Variants in ATXN7L1 observed in about 807,000 individuals in gnomAD.
The protein encoded by ATXN7L1 is ataxin 7 like 1.
ATXN7L1 carries 15 observed loss-of-function variants against 70.8 expected under a neutral mutation model. The ratio of observed to expected loss-of-function variants is 0.21; its 90% CI spans 0.14 to 0.33. ATXN7L1 has a LOEUF of 0.33. Among genes scored for constraint, ATXN7L1 ranks in the 10% least tolerant of loss-of-function variants. ATXN7L1 has a pLI of 1.00. For synonymous variants in ATXN7L1, 440 were observed against 445.1 expected, an observed-to-expected ratio of 0.99 and a Z score of 0.14; for missense variants, 975 against 1,097.1, an observed-to-expected ratio of 0.89 and a Z score of 1.57.
chr7:105,755,326 G>A (rs993735744), intron 3 of ATXN7L1, among the ~76,000 whole-genome samples: 4 of 152,200 alleles, frequency 2.6e-5, no homozygotes, highest in Admixed American at 2.0e-4. Context: ...GGGGCAACAG[G>A]TATAGAGGAA....
At position 105,624,130 on chromosome 7, in the gene ATXN7L1, T is replaced by C; in HGVS notation, c.1340A>G (p.Asp447Gly). The change falls in exon 8 of 12, where the codon GAC (aspartate) becomes GGC (glycine). Residue 447 changes from aspartate (D) to glycine (G), a missense_variant. Asp to Gly is a moderately conservative substitution (Grantham distance 94). Transcript: ENST00000419735. Reference protein sequence around the residue: ...SSDEGEMDGADESEKLDCQFS... With the variant: ...SSDEGEMDGAGESEKLDCQFS... ...CTGACAGTCTAGCTTCTCGGATTCG[T>C]CGGCTCCGTCCATCTCCCCTTCATC... 6.6e-7 allele frequency: 1 copy of C among 1,526,638 alleles called. No individual in the cohort carries two copies. The highest frequency in any genetic ancestry group is 8.8e-7 in the Non-Finnish European group (1 of 1,132,542). The allele number at this position is 1,526,638 out of a possible 1,614,324, so 94.6% of individuals were successfully genotyped here.
At chr7:105,841,571 C>T (rs1164228627) in intron 2 of ATXN7L1, among the ~76,000 whole-genome samples, 2 of 152,248 alleles carry the variant, frequency 1.3e-5, no homozygotes, top group South Asian at 2.1e-4. Flanking sequence ...ATTGTCTATT[C>T]CACCTGCCTA....
At chr7:105,627,704 G>A (rs1207804941) in intron 7 of ATXN7L1, among the ~76,000 whole-genome samples, 1 of 151,868 alleles carries the variant, frequency 6.6e-6, no homozygotes, top group Non-Finnish European at 1.5e-5. Context: ...GCTAATTTTT[G>A]TATTTTAAGT....
chr7:105,743,726 C>T (rs562552851), intron 3 of ATXN7L1, among the ~76,000 whole-genome samples: 1 of 152,356 alleles, frequency 6.6e-6, no homozygotes, highest in Non-Finnish European at 1.5e-5. Flanking sequence ...GCACAGCTTC[C>T]TTTCAGAATC....
At chr7:105,857,309 C>T (rs573242157) in intron 2 of ATXN7L1, among the ~76,000 whole-genome samples, 2 of 152,316 alleles carry the variant, frequency 1.3e-5, no homozygotes, top group Admixed American at 1.3e-4. Flanking sequence ...GTCTGGCTGA[C>T]CATAGACTGA....
chr7:105,760,191 A>G, intron 3 of ATXN7L1: 1 of 983,740 alleles, frequency 1.0e-6, no homozygotes. Flanking sequence ...CCAACCATCC[A>G]CCCATCCAAT....
intron 5 of ATXN7L1, among the ~76,000 whole-genome samples, chr7:105,642,034 A>G (rs1270962576): frequency 6.6e-6 from 1 of 152,198 alleles, no homozygotes; most frequent in Non-Finnish European, 1.5e-5. Flanking sequence ...ACCATCAGGG[A>G]GTGCCCATGA....
chr7:105,667,527 G>A lies in ATXN7L1; in HGVS notation c.356-2239C>T, dbSNP rs1234914547. Among the ~76,000 whole-genome samples the A allele has an allele frequency of 2.7e-5, 3 of 111,778 alleles. 1 individual carries two copies. The highest frequency in any genetic ancestry group is 5.9e-5 in the Non-Finnish European group (3 of 51,040). 73.3% of individuals were successfully genotyped at this position (111,778 alleles called of 152,430 possible). On this transcript the variant is annotated intron_variant, in intron 3 of 11. Transcript: ENST00000419735. Reference sequence around the variant, plus strand: ...ATCCCGGCTAAAATGGTGAAACCCCGTCTCTACTAAAAATACAAAAAATTA... The same window carrying A: ...ATCCCGGCTAAAATGGTGAAACCCCATCTCTACTAAAAATACAAAAAATTA...
chr7:105,625,916 AAG>A (rs1182732547), intron 7 of ATXN7L1, among the ~76,000 whole-genome samples: 1 of 152,182 alleles, frequency 6.6e-6, no homozygotes, highest in Non-Finnish European at 1.5e-5. Flanking sequence ...TAGGGAGAAA[AAG>A]AAGTTTTAGA....
chr7:105,862,333 G>A (rs1263972217), intron 2 of ATXN7L1, among the ~76,000 whole-genome samples: 3 of 152,128 alleles, frequency 2.0e-5, no homozygotes, highest in Non-Finnish European at 4.4e-5. Flanking sequence ...TACTTGGGAG[G>A]GAGGCTGAGG....
At chr7:105,677,955 T>A (rs1003756333) in intron 3 of ATXN7L1, 28 of 985,396 alleles carry the variant, frequency 2.8e-5, no homozygotes, top group Non-Finnish European at 1.6e-5. Flanking sequence ...CCCCACAGAC[T>A]GTCGTGGTCC....
At chr7:105,664,990 G>T in intron 4 of ATXN7L1, 76 bp downstream of exon 4, 1 of 1,398,634 alleles carries the variant, frequency 7.1e-7, no homozygotes, top group Non-Finnish European at 9.8e-7. Flanking sequence ...AAGCCAGAGA[G>T]TAAATACTAT....
At chr7:105,702,624 A>G (rs1241180734) in intron 3 of ATXN7L1, among the ~76,000 whole-genome samples, 1 of 152,184 alleles carries the variant, frequency 6.6e-6, no homozygotes, top group African/African-American at 2.4e-5. Flanking sequence ...AGAGAAATGC[A>G]GCAGGGTAAC....
chr7:105,693,501 T>C (rs1405240318), intron 3 of ATXN7L1, among the ~76,000 whole-genome samples: 1 of 152,068 alleles, frequency 6.6e-6, no homozygotes, highest in African/African-American at 2.4e-5. Flanking sequence ...GAGTGAGAAA[T>C]TTTAAATTGC....
chr7:105,613,718 C>A, intron 10 of ATXN7L1, 144 bp downstream of exon 10: 1 of 1,505,270 alleles, frequency 6.6e-7, no homozygotes, highest in Admixed American at 2.2e-5. Flanking sequence ...GCTCTCAAAG[C>A]AGAGGGTGAA....
At chr7:105,713,555 C>T (rs1462679021) in intron 3 of ATXN7L1, among the ~76,000 whole-genome samples, 2 of 152,194 alleles carry the variant, frequency 1.3e-5, no homozygotes, top group South Asian at 2.1e-4. Flanking sequence ...ACTAGATAGA[C>T]ATTAAATAAA....
chr7:105,641,578 T>A (rs2115920836), intron 5 of ATXN7L1, among the ~76,000 whole-genome samples: 1 of 152,386 alleles, frequency 6.6e-6, no homozygotes, highest in South Asian at 2.1e-4. Context: ...GTGCTTCTGC[T>A]ATGGCGAGGA....
intron 3 of ATXN7L1, among the ~76,000 whole-genome samples, chr7:105,677,512 T>G (rs1804866616): frequency 6.6e-6 from 1 of 152,206 alleles, no homozygotes; most frequent in Non-Finnish European, 1.5e-5. Flanking sequence ...CTGTTTACTC[T>G]TTTATCTCCA....
chr7:105,696,561 T>C (rs2116221134), intron 3 of ATXN7L1, among the ~76,000 whole-genome samples: 1 of 152,302 alleles, frequency 6.6e-6, no homozygotes, highest in South Asian at 2.1e-4. Context: ...CTATTTAAAA[T>C]CAGAACTTCT....
Sources: gnomAD v4.1 joint callset for allele counts (sites outside exome capture counted in the v4.1 genomes callset) on GRCh38, gnomAD v4.1.1 for gene constraint, MANE v1.5 for transcripts, NCBI Gene and HGNC (gene_info 2026-07-23, HGNC 2026-07-21) for gene names.